Variants in ZNF177 observed in about 807,000 individuals in gnomAD.
ZNF177 encodes zinc finger protein 177.
ZNF177 carries 17 observed loss-of-function variants against 19.4 expected under a neutral mutation model. The observed-to-expected ratio is 0.87, with a 90% confidence interval of 0.60 to 1.31. The LOEUF is 1.31. Ranked by LOEUF, ZNF177 falls within the 40% of genes most tolerant of loss-of-function variation. The pLI, the probability that ZNF177 is intolerant of heterozygous loss-of-function variation, is 0.00. For missense variants in ZNF177, 633 were observed against 561.8 expected (o/e 1.13, Z -1.28); for synonymous variants, 220 against 188.7 (o/e 1.17, Z -1.36).
intron 2 of ZNF177, among the ~76,000 whole-genome samples, chr19:9,367,868 T>A (rs1184352027): frequency 6.6e-6 from 1 of 152,226 alleles, no homozygotes; most frequent in Non-Finnish European, 1.5e-5. Context: ...AAAGGCTATA[T>A]TAAATAAAAC....
At chr19:9,374,500 TC>T (rs1398259558), upstream of ZNF177, among the ~76,000 whole-genome samples, 1 of 152,168 alleles carries the variant, frequency 6.6e-6, no homozygotes, top group Admixed American at 6.5e-5. Context: ...TATTGATTCT[TC>T]CAATCCATGA....
At chr19:9,378,336 T>G (rs2068141103) in exon 2 of ZNF177, 1 of 1,613,682 alleles carries the variant, frequency 6.2e-7, no homozygotes, top group South Asian at 1.1e-5. Context: ...GCTGACAACC[T>G]GGTCACAGGT....
rs150832617 is a variant in ZNF177, at chr19:9,370,654, T to G, written c.-304-956T>G. 4.7e-4 allele frequency among the ~76,000 whole-genome samples: 72 copies of G among 152,264 alleles called. 1 individual carries two copies. The highest frequency in any genetic ancestry group is 1.7e-3 in the African/African-American group (69 of 41,544). On this transcript the variant is annotated intron_variant, in intron 2 of 8. Coordinates refer to the ZNF177 transcript ENST00000343499. ...CCAGGCTAGTCTCAAACTCCTGGCTTCAAGGCATCCTCCTGCCCCAGCTTT... is the reference window on the plus strand; with the variant it reads ...CCAGGCTAGTCTCAAACTCCTGGCTGCAAGGCATCCTCCTGCCCCAGCTTT...
chr19:9,363,146 G>T (rs892477858), intron 1 of ZNF177, 62 bp downstream of exon 1: 11 of 152,338 alleles, frequency 7.2e-5, no homozygotes, highest in Admixed American at 6.5e-4. Flanking sequence ...ACAGTGCGCA[G>T]CCCCGGCTGC....
chr19:9,374,981 C>T (rs553376963), upstream of ZNF177, among the ~76,000 whole-genome samples: 2 of 152,126 alleles, frequency 1.3e-5, no homozygotes, highest in Non-Finnish European at 2.9e-5. Flanking sequence ...GGTTTTGTCA[C>T]CTATGGCCTT....
exon 6 of ZNF177, chr19:9,381,457 G>T: frequency 6.2e-7 from 1 of 1,611,626 alleles, no homozygotes; most frequent in Non-Finnish European, 8.5e-7. Context: ...CTGTGGAAAA[G>T]CCTTCATCGA....
chr19:9,381,547 A>G (rs1364866915), exon 6 of ZNF177: 9 of 1,614,106 alleles, frequency 5.6e-6, no homozygotes, highest in Non-Finnish European at 7.6e-6. Flanking sequence ...AAAGTCCTTC[A>G]GCACAGGCTC....
At chr19:9,372,728 TAGAG>T (rs899461651), upstream of ZNF177, among the ~76,000 whole-genome samples, 6 of 151,528 alleles carry the variant, frequency 4.0e-5, no homozygotes, top group African/African-American at 1.5e-4. Flanking sequence ...GTATTTTTAA[TAGAG>T]AAAGGGTTTC....
intron 1 of ZNF177, among the ~76,000 whole-genome samples, chr19:9,377,034 G>A (rs1054233615): frequency 9.9e-5 from 15 of 152,136 alleles, no homozygotes; most frequent in Non-Finnish European, 1.9e-4. Flanking sequence ...ATTTTTGGCA[G>A]GTAAAACATT....
chr19:9,369,441 C>G (rs775829860), intron 2 of ZNF177, among the ~76,000 whole-genome samples: 6 of 152,026 alleles, frequency 3.9e-5, no homozygotes, highest in Non-Finnish European at 7.4e-5. Flanking sequence ...TTAATATTCA[C>G]CTGGTATATC....
At chr19:9,380,222 A>T in intron 5 of ZNF177, 83 bp downstream of exon 7, 1 of 1,453,064 alleles carries the variant, frequency 6.9e-7, no homozygotes, top group Non-Finnish European at 9.1e-7. Flanking sequence ...CACCCAAAGC[A>T]GGGGTAAGAA....
intron 2 of ZNF177, among the ~76,000 whole-genome samples, chr19:9,369,061 A>G (rs1308243899): frequency 2.0e-5 from 3 of 152,140 alleles, no homozygotes; most frequent in Non-Finnish European, 4.4e-5. Context: ...GACTGGCTTT[A>G]CAGTATATTC....
At chr19:9,375,267 A>G (rs189772297), upstream of ZNF177, among the ~76,000 whole-genome samples, 1 of 152,092 alleles carries the variant, frequency 6.6e-6, no homozygotes, top group Non-Finnish European at 1.5e-5. Context: ...TTTTGCATCT[A>G]TTTTCAGTAG....
upstream of ZNF177, among the ~76,000 whole-genome samples, chr19:9,375,018 G>A (rs1438289942): frequency 6.6e-6 from 1 of 152,110 alleles, no homozygotes. Context: ...CTTTCCTTCT[G>A]TAACTAATTC....
exon 6 of ZNF177, chr19:9,381,214 T>C: frequency 6.2e-7 from 1 of 1,612,590 alleles, no homozygotes; most frequent in Non-Finnish European, 8.5e-7. Context: ...AGCCTTCATT[T>C]TTCAGTCTTC....
chr19:9,374,561 T>C (rs1342996791), upstream of ZNF177, among the ~76,000 whole-genome samples: 1 of 152,156 alleles, frequency 6.6e-6, no homozygotes, highest in African/African-American at 2.4e-5. Flanking sequence ...CACCAGTGTT[T>C]TAGAATTTTC....
chr19:9,372,393 C>A (rs1288222040), upstream of ZNF177, among the ~76,000 whole-genome samples: 1 of 152,056 alleles, frequency 6.6e-6, no homozygotes, highest in Non-Finnish European at 1.5e-5. Context: ...AAAAACTGTT[C>A]ACTGTGGATT....
chr19:9,376,030 A>G (rs140851291), upstream of ZNF177, among the ~76,000 whole-genome samples: 175 of 152,294 alleles, frequency 1.1e-3, no homozygotes, highest in African/African-American at 4.0e-3. Flanking sequence ...CTTTCGGGCT[A>G]CATGCATTCT....
exon 2 of ZNF177, chr19:9,378,327 C>T: frequency 1.2e-6 from 2 of 1,613,694 alleles, no homozygotes; most frequent in Non-Finnish European, 8.5e-7. Context: ...TGCAGGGTGG[C>T]TGACAACCTG....
Sources: allele counts gnomAD v4.1 joint callset (sites outside exome capture counted in the v4.1 genomes callset), GRCh38; gene constraint gnomAD v4.1.1; transcripts MANE v1.5; gene names NCBI Gene and HGNC (gene_info 2026-07-23, HGNC 2026-07-21).